Variants in CLYBL observed in about 807,000 individuals in gnomAD.
CLYBL encodes citramalyl-CoA lyase, also known as citramalyl-CoA lyase, mitochondrial.
In CLYBL, 31 loss-of-function variants were observed where a neutral mutation model predicts 38.9. That is an observed-to-expected ratio of 0.80 (90% CI 0.60 to 1.08). CLYBL has a LOEUF of 1.08. Among genes scored for constraint, CLYBL ranks in the 50% least tolerant of loss-of-function variants. The probability of loss-of-function intolerance (pLI) is 0.00; values close to 1 mark genes in which losing one functional copy is unlikely to be tolerated. For missense variants in CLYBL, 434 were observed against 411.6 expected (o/e 1.05, Z -0.47); for synonymous variants, 171 against 158.6 (o/e 1.08, Z -0.59).
chr13:99,857,787 G>C (rs149183566), intron 2 of CLYBL, among the ~76,000 whole-genome samples: 1 of 152,250 alleles, frequency 6.6e-6, no homozygotes, highest in Non-Finnish European at 1.5e-5. Flanking sequence ...GATCAGTATT[G>C]CTTTTCAAAT....
chr13:99,702,591 C>G (rs952887960), intron 1 of CLYBL, among the ~76,000 whole-genome samples: 1 of 148,052 alleles, frequency 6.8e-6, no homozygotes, highest in African/African-American at 2.5e-5. Context: ...GAGATCACAC[C>G]ATGGCACTCC....
chr13:99,714,660 C>T (rs923926766), intron 1 of CLYBL, among the ~76,000 whole-genome samples: 1 of 148,208 alleles, frequency 6.7e-6, no homozygotes, highest in Admixed American at 6.8e-5. Context: ...AAATGAGGAA[C>T]TTAAGGACCA....
intron 2 of CLYBL, among the ~76,000 whole-genome samples, chr13:99,776,827 A>C (rs2049527673): frequency 1.3e-5 from 2 of 151,860 alleles, no homozygotes; most frequent in Middle Eastern, 3.4e-3. Flanking sequence ...CTATGATTAC[A>C]TTCATTTTAC....
chr13:99,731,933 C>T (rs2048598373), intron 1 of CLYBL, among the ~76,000 whole-genome samples: 1 of 152,148 alleles, frequency 6.6e-6, no homozygotes, highest in African/African-American at 2.4e-5. Flanking sequence ...CCCCTGGAGG[C>T]TGATGTGGTG....
chr13:99,881,855 T>C (rs1159195970), intron 7 of CLYBL, among the ~76,000 whole-genome samples: 1 of 152,334 alleles, frequency 6.6e-6, no homozygotes, highest in African/African-American at 2.4e-5. Context: ...ACTTAAAATG[T>C]CACTCATATA....
At chr13:99,723,807 T>C (rs1257113154) in intron 1 of CLYBL, among the ~76,000 whole-genome samples, 2 of 152,134 alleles carry the variant, frequency 1.3e-5, no homozygotes, top group Non-Finnish European at 2.9e-5. Context: ...AACTGGAGAG[T>C]TCCAGTTTGG....
At position 99,697,927 on chromosome 13, in the gene CLYBL, C is replaced by T. The variant is rs181764220; in HGVS notation, c.63-74897C>T. Among the ~76,000 whole-genome samples, 383 of 152,246 alleles carry T rather than the reference C, an allele frequency of 2.5e-3. 2 individuals are homozygous for T. The highest frequency in any genetic ancestry group is 9.0e-3 in the African/African-American group (374 of 41,554). ...TCTCCCAAAGTGCTGGGATTTCAGG[C>T]GTGAGCCACCCCACCGGGCCTCCCA... is the stretch of plus-strand genomic sequence containing the variant. On this transcript the variant is annotated intron_variant, in intron 1 of 8. Transcript: ENST00000339105.
intron 2 of CLYBL, among the ~76,000 whole-genome samples, chr13:99,824,257 G>GGGGGGGGGGGGGGGGGGGGGGCC: frequency 7.7e-6 from 1 of 130,516 alleles, no homozygotes; most frequent in African/African-American, 2.9e-5. Context: ...CTGACTAATA[G>GGGGGGGGGGGGGGGGGGGGGGCC]CCCCCCCCAC....
intron 1 of CLYBL, among the ~76,000 whole-genome samples, chr13:99,721,591 T>A (rs552786250): frequency 6.6e-6 from 1 of 152,096 alleles, no homozygotes; most frequent in Admixed American, 6.5e-5. Flanking sequence ...ACTCGTCATT[T>A]ACATTAGTTA....
intron 1 of CLYBL, among the ~76,000 whole-genome samples, chr13:99,622,396 A>G (rs538000562): frequency 4.6e-5 from 7 of 152,278 alleles, no homozygotes; most frequent in Admixed American, 1.3e-4. Flanking sequence ...ATTGCCTCTC[A>G]TGTTATGTGC....
intron 2 of CLYBL, among the ~76,000 whole-genome samples, chr13:99,774,517 G>C (rs1029736995): frequency 6.6e-6 from 1 of 152,144 alleles, no homozygotes; most frequent in Non-Finnish European, 1.5e-5. Context: ...GTCGTGGGGC[G>C]GGGGATGAGG....
At chr13:99,825,615 G>A (rs971226432) in intron 2 of CLYBL, among the ~76,000 whole-genome samples, 14 of 152,282 alleles carry the variant, frequency 9.2e-5, no homozygotes, top group East Asian at 1.9e-4. Context: ...GGATGAGAAC[G>A]CCATGACTTG....
rs192655224 is a variant in CLYBL at position 99,612,876 on chromosome 13, G to T, written c.62+6119G>T. ...AAAAAATTTTAAAAGTTAGCTGGATGTGGTGGCTCATGCCTGTGATCCTAG... is the reference window on the plus strand; with the variant it reads ...AAAAAATTTTAAAAGTTAGCTGGATTTGGTGGCTCATGCCTGTGATCCTAG... On this transcript the variant is annotated intron_variant, in intron 1 of 8. Transcript: ENST00000339105. Among the ~76,000 whole-genome samples, 7 of 151,942 alleles carry T rather than the reference G, an allele frequency of 4.6e-5. No homozygotes were observed. The South Asian group carries it at 8.3e-4, about 18-fold the overall frequency.
intron 1 of CLYBL, among the ~76,000 whole-genome samples, chr13:99,684,115 T>A (rs2047782394): frequency 6.8e-6 from 1 of 147,662 alleles, no homozygotes; most frequent in Admixed American, 6.9e-5. Flanking sequence ...CTCCTGACCT[T>A]ATGATCTGCC....
intron 2 of CLYBL, among the ~76,000 whole-genome samples, chr13:99,845,534 G>A (rs541019180): frequency 8.5e-5 from 13 of 152,338 alleles, no homozygotes; most frequent in Non-Finnish European, 1.6e-4. Context: ...GGTGGAAAGC[G>A]CGATGGAAAT....
intron 2 of CLYBL, among the ~76,000 whole-genome samples, chr13:99,846,537 C>T (rs2051210342): frequency 6.6e-6 from 1 of 152,162 alleles, no homozygotes; most frequent in African/African-American, 2.4e-5. Flanking sequence ...CTGATTTCTT[C>T]ATTCGTGTCT....
intron 2 of CLYBL, among the ~76,000 whole-genome samples, chr13:99,838,737 G>A (rs570123044): frequency 1.3e-5 from 2 of 152,282 alleles, no homozygotes; most frequent in South Asian, 2.1e-4. Context: ...CCAGGTTCAC[G>A]CCATTCTCCT....
rs2051287912 is a variant in CLYBL, at chr13:99,849,761, G to T, written c.250-9100G>T. On this transcript the variant is annotated intron_variant, in intron 2 of 8. Transcript: ENST00000339105. The surrounding 1 kb of genome is among the most constrained non-coding windows in gnomAD (Gnocchi z 4.9). Reference sequence around the variant, plus strand: ...GGAAAAAGGGCAAGGTAAAGAGGAGGAAGAGAGGGGAAGGTGACGGATAGG... The same window carrying T: ...GGAAAAAGGGCAAGGTAAAGAGGAGTAAGAGAGGGGAAGGTGACGGATAGG... Among the ~76,000 whole-genome samples, 1 of 152,206 alleles carries T rather than the reference G, an allele frequency of 6.6e-6. No homozygotes were observed. The highest frequency in any genetic ancestry group is 2.4e-5 in the African/African-American group (1 of 41,442).
intron 1 of CLYBL, among the ~76,000 whole-genome samples, chr13:99,739,745 G>A (rs1358393223): frequency 5.3e-5 from 8 of 152,200 alleles, no homozygotes; most frequent in African/African-American, 1.7e-4. Context: ...AGGCCGAGGT[G>A]GGTGGATCAC....
Sources: allele counts gnomAD v4.1 joint callset (sites outside exome capture counted in the v4.1 genomes callset), GRCh38; gene constraint gnomAD v4.1.1; non-coding constraint Gnocchi (gnomAD v3.1); transcripts MANE v1.5; gene names NCBI Gene and HGNC (gene_info 2026-07-23, HGNC 2026-07-21).